Variants in KALRN observed in about 807,000 individuals in gnomAD.
KALRN encodes the protein kalirin RhoGEF kinase, also known as kalirin.
In KALRN, 70 loss-of-function variants were observed where a neutral mutation model predicts 353.7. The ratio of observed to expected loss-of-function variants is 0.20; its 90% CI spans 0.16 to 0.24. The LOEUF (loss-of-function observed/expected upper bound fraction) is 0.24, where lower values mean the gene tolerates loss of function less well. KALRN is among the 10% of genes least tolerant of loss of function. KALRN has a pLI of 1.00. For synonymous variants in KALRN, 1,391 were observed against 1,434.8 expected (o/e 0.97, Z 0.69); for missense variants, 2,791 against 3,756.7 (o/e 0.74, Z 6.72).
At chr3:124,581,341 C>T (rs573036428) in intron 34 of KALRN, among the ~76,000 whole-genome samples, 90 of 147,864 alleles carry the variant, frequency 6.1e-4, no homozygotes, top group African/African-American at 2.0e-3. Context: ...TGCAGTGAGC[C>T]GAGATCGTGC....
At chr3:124,327,073 T>C (rs1269759904) in intron 7 of KALRN, among the ~76,000 whole-genome samples, 1 of 152,152 alleles carries the variant, frequency 6.6e-6, no homozygotes, top group African/African-American at 2.4e-5. Context: ...TACACCATGG[T>C]AGGAGTTTCA....
At chr3:124,376,029 A>C (rs926151614) in intron 10 of KALRN, among the ~76,000 whole-genome samples, 2 of 152,212 alleles carry the variant, frequency 1.3e-5, no homozygotes, top group African/African-American at 4.8e-5. Context: ...CTTTTATAGG[A>C]AAAGGTGCTA....
chr3:124,152,535 TTTTTCTTTTTCTTTTTC>T (rs1431857045), intron 1 of KALRN: 36 of 621,670 alleles, frequency 5.8e-5, no homozygotes, highest in South Asian at 1.1e-4. Flanking sequence ...AGTGCTTTTC[TTTTTCTTTTTCTTTTTC>T]TTTTCTTTTC....
At position 124,660,966 on chromosome 3, in the gene KALRN, A is replaced by G; in HGVS notation, c.6260A>G (p.Asp2087Gly). 1 of 1,608,720 alleles carries G rather than the reference A, an allele frequency of 6.2e-7. No individual in the cohort carries two copies. Residue 2087 changes from aspartate (D) to glycine (G), a missense_variant, in exon 44 of 60, where the codon GAT becomes GGT. By Grantham distance (94) the Asp-to-Gly change is moderately conservative. Transcript: ENST00000682506. ...YSEKAGLECS[D>G]IEKAVELMCL... ...GAGAAGGCTGGTTTGGAGTGTTCAG[A>G]TATTGAGGTGAGTTTTCTGCTTGTA... is the stretch of plus-strand genomic sequence containing the variant.
chr3:124,468,632 TTAAAGA>T (rs150249142), intron 25 of KALRN, among the ~76,000 whole-genome samples: 29 of 152,316 alleles, frequency 1.9e-4, no homozygotes, highest in Admixed American at 1.5e-3. Flanking sequence ...AAAGAAATCG[TTAAAGA>T]TAATCTAGTT....
At chr3:124,659,502 A>G (rs1394294288) in intron 43 of KALRN, 45 bp downstream of exon 43, 4 of 1,325,328 alleles carry the variant, frequency 3.0e-6, no homozygotes, top group Non-Finnish European at 4.4e-6. Context: ...AGGATCCATC[A>G]GGCTCAGAGC....
At position 124,671,754 on chromosome 3, in the gene KALRN, C is replaced by T; in HGVS notation, c.6798C>T (p.Pro2266=). ...GGCTTCCCCAAGCCAGCCCCAGGCC[C>T]TACTCCTCTGTTCCTGCGGGCTCAG... is the stretch of plus-strand genomic sequence containing the variant. ...PARLPQASPR[P]YSSVPAGSEK... Residue 2266 remains proline (P), a synonymous_variant, in exon 48 of 60, where the codon CCC becomes CCT. Coordinates refer to ENST00000682506, the MANE Select transcript of KALRN (RefSeq NM_001388419.1). 1 of 1,614,174 alleles carries T rather than the reference C, an allele frequency of 6.2e-7. No homozygotes were observed. Among genetic ancestry groups the T allele is most frequent in the East Asian group, 2.2e-5 (1 of 44,878 alleles).
chr3:124,401,630 G>T (rs1265213896), intron 13 of KALRN, among the ~76,000 whole-genome samples: 1 of 152,168 alleles, frequency 6.6e-6, no homozygotes, highest in Non-Finnish European at 1.5e-5. Context: ...AAGAGTGTGA[G>T]GGCCTCATAA....
intron 10 of KALRN, among the ~76,000 whole-genome samples, chr3:124,363,394 C>T (rs1055093377): frequency 1.3e-5 from 2 of 152,156 alleles, no homozygotes; most frequent in African/African-American, 4.8e-5. Flanking sequence ...CAGAGCTACC[C>T]CACCTATATG....
chr3:124,352,401 A>G (rs1036781456), intron 10 of KALRN, among the ~76,000 whole-genome samples: 8 of 152,170 alleles, frequency 5.3e-5, no homozygotes, highest in Non-Finnish European at 7.4e-5. Flanking sequence ...GTTCTGCTTT[A>G]TGGCCTCATT....
chr3:124,364,737 A>G (rs552495365), intron 10 of KALRN, among the ~76,000 whole-genome samples: 1 of 152,180 alleles, frequency 6.6e-6, no homozygotes, highest in Admixed American at 6.5e-5. Context: ...ACTCCCTCCC[A>G]CCAGCTTTCC....
chr3:124,245,738 G>GT (rs1231670363), intron 3 of KALRN, among the ~76,000 whole-genome samples: 3 of 151,814 alleles, frequency 2.0e-5, no homozygotes, highest in Non-Finnish European at 2.9e-5. Context: ...ATCTTATATG[G>GT]TTTTGAGTTG....
chr3:124,563,392 T>C (rs1370702153), intron 34 of KALRN, among the ~76,000 whole-genome samples: 1 of 152,224 alleles, frequency 6.6e-6, no homozygotes, highest in Admixed American at 6.5e-5. Context: ...TCACACTACA[T>C]TCGGGAAAGT....
intron 56 of KALRN, among the ~76,000 whole-genome samples, chr3:124,701,374 T>C (rs2062322390): frequency 7.3e-6 from 1 of 136,764 alleles, no homozygotes; most frequent in Non-Finnish European, 1.5e-5. Context: ...TTTTTTCTTT[T>C]TCTTTCTTTC....
intron 32 of KALRN, among the ~76,000 whole-genome samples, chr3:124,495,494 G>T (rs1366873272): frequency 6.6e-6 from 1 of 151,934 alleles, no homozygotes; most frequent in Non-Finnish European, 1.5e-5. Context: ...TCAGTACTTT[G>T]GGATGCCAAG....
intron 1 of KALRN, 149 bp from the exon 2 acceptor site, chr3:124,227,841 C>A: frequency 2.8e-6 from 2 of 705,750 alleles, no homozygotes; most frequent in African/African-American, 1.7e-5. Context: ...TGTTGCAGAC[C>A]CTCTCCTGGT....
intron 41 of KALRN, among the ~76,000 whole-genome samples, chr3:124,658,051 G>A (rs2150184117): frequency 6.6e-6 from 1 of 152,260 alleles, no homozygotes; most frequent in East Asian, 1.9e-4. Flanking sequence ...CCACTTGGGG[G>A]GGCGGAGGCA....
chr3:124,572,027 T>TA (rs1296781013), intron 34 of KALRN, among the ~76,000 whole-genome samples: 2 of 151,722 alleles, frequency 1.3e-5, no homozygotes, highest in African/African-American at 4.8e-5. Flanking sequence ...ATTTTTGTAG[T>TA]AAAAAATGGT....
intron 1 of KALRN, among the ~76,000 whole-genome samples, chr3:124,092,636 G>A (rs1181084768): frequency 6.6e-6 from 1 of 152,228 alleles, no homozygotes; most frequent in Non-Finnish European, 1.5e-5. Flanking sequence ...CCGTATCTCA[G>A]TGAAACGTGT....
Sources: allele counts gnomAD v4.1 joint callset (sites outside exome capture counted in the v4.1 genomes callset), GRCh38; gene constraint gnomAD v4.1.1; transcripts MANE v1.5; gene names NCBI Gene and HGNC (gene_info 2026-07-23, HGNC 2026-07-21).